SLC26A3: variants seen among roughly 807,000 people sequenced by gnomAD.
The protein encoded by SLC26A3 is chloride anion exchanger.
A neutral mutation model predicts 85.6 loss-of-function variants in SLC26A3; 64 were observed. The ratio of observed to expected loss-of-function variants is 0.75; its 90% CI spans 0.61 to 0.92. SLC26A3 has a LOEUF of 0.92. Among genes scored for constraint, SLC26A3 ranks in the 40% least tolerant of loss-of-function variants. SLC26A3 has a pLI of 0.00. For missense variants in SLC26A3, 922 were observed against 927.3 expected (o/e 0.99, Z 0.07); for synonymous variants, 349 against 336.0 (o/e 1.04, Z -0.42).
intron 16 of SLC26A3, among the ~76,000 whole-genome samples, chr7:107,774,466 GTC>G (rs1387285622): frequency 6.6e-6 from 1 of 152,072 alleles, no homozygotes; most frequent in Non-Finnish European, 1.5e-5. Context: ...AGGTGGGAGG[GTC>G]GCTTGAGTCT....
intron 18 of SLC26A3, among the ~76,000 whole-genome samples, chr7:107,770,808 C>G (rs1794016980): frequency 1.3e-5 from 2 of 152,150 alleles, no homozygotes; most frequent in Admixed American, 1.3e-4. Context: ...GGAACAATAC[C>G]TGCCCTGGAA....
Position 107,789,653 on chromosome 7 carries a change from C to A in SLC26A3, c.606G>T (p.Val202=), listed in dbSNP as rs2115867876. 1 of 1,613,988 alleles carries A rather than the reference C, an allele frequency of 6.2e-7. No individual in the cohort carries two copies. The highest frequency in any genetic ancestry group is 1.1e-5 in the South Asian group (1 of 91,010). The change falls in exon 6 of 21, where the codon GTG becomes GTT. Residue 202 remains valine, a synonymous_variant. Coordinates refer to ENST00000340010, the MANE Select transcript of SLC26A3 (RefSeq NM_000111.3). ...TGATGAGGGACTCAGACAGGTATATCACTACAAATCCAATCCGCAGAATCC... is the reference window on the plus strand; with the variant it reads ...TGATGAGGGACTCAGACAGGTATATAACTACAAATCCAATCCGCAGAATCC... ...AFGILRIGFV[V]IYLSESLISG...
chr7:107,766,387 C>T (rs1381520900), intron 20 of SLC26A3, among the ~76,000 whole-genome samples: 2 of 152,102 alleles, frequency 1.3e-5, no homozygotes, highest in African/African-American at 2.4e-5. Flanking sequence ...ATTCTGAATA[C>T]AATTACTGAG....
chr7:107,765,940 A>G (rs1364292954), intron 20 of SLC26A3, 62 bp from the exon 21 acceptor site: 7 of 1,410,974 alleles, frequency 5.0e-6, no homozygotes, highest in Non-Finnish European at 7.0e-6. Context: ...CAATAATCAC[A>G]TCTTAGGAGC....
At chr7:107,797,500 T>TAAACAAAAGA (rs1554382744) in intron 1 of SLC26A3, among the ~76,000 whole-genome samples, 1 of 150,652 alleles carries the variant, frequency 6.6e-6, no homozygotes, top group African/African-American at 2.5e-5. Context: ...TCTCAAAAAA[T>TAAACAAAAGA]AAAGAAAAGA....
chr7:107,773,955 A>G lies in SLC26A3; in HGVS notation c.1972T>C (p.Phe658Leu). Residue 658 changes from phenylalanine (F) to leucine (L), a missense_variant, in exon 17 of 21, where the codon TTT (phenylalanine) becomes CTT (leucine). Transcript: ENST00000340010. ...SLILDFSAVS[F>L]LDVSSVRGLK... ...CCCCTCACTGAAGAAACATCAAGAA[A>G]GGACACTGCTGAAAAGTCAAGAATG... 9 of 1,614,124 alleles carry G rather than the reference A, an allele frequency of 5.6e-6. No homozygotes were observed. Among genetic ancestry groups the G allele is most frequent in the Non-Finnish European group, 5.9e-6 (7 of 1,179,956 alleles).
At chr7:107,790,817 C>G (rs1794384305) in intron 5 of SLC26A3, among the ~76,000 whole-genome samples, 1 of 152,162 alleles carries the variant, frequency 6.6e-6, no homozygotes, top group South Asian at 2.1e-4. Context: ...TCTCCATTCC[C>G]CTTCTTCCTT....
intron 7 of SLC26A3, among the ~76,000 whole-genome samples, 184 bp from the exon 8 acceptor site, chr7:107,787,093 C>A (rs1421901178): frequency 6.6e-6 from 1 of 152,200 alleles, no homozygotes; most frequent in Non-Finnish European, 1.5e-5. Flanking sequence ...AGAACCACAG[C>A]TAAATTCAAA....
Position 107,793,728 on chromosome 7 carries a change from A to T in SLC26A3, c.271+14T>A, listed in dbSNP as rs764075335. 27 of 1,589,128 alleles carry T rather than the reference A, an allele frequency of 1.7e-5. No individual in the cohort carries two copies. The highest frequency in any genetic ancestry group is 2.0e-5 in the Non-Finnish European group (23 of 1,163,366). ...ATTTTATTGTATATAAATTATACTT[A>T]AAAAAAATTTTACCTTGTAGTACGG... On this transcript the variant is annotated intron_variant, in intron 3 of 20. Transcript: ENST00000340010.
intron 10 of SLC26A3, 33 bp from the exon 11 acceptor site, chr7:107,782,907 C>G: frequency 6.2e-7 from 1 of 1,613,586 alleles, no homozygotes; most frequent in Non-Finnish European, 8.5e-7. Context: ...ATCACCAACT[C>G]AACTTTTCCC....
At chr7:107,782,555 G>T (rs1372748218) in intron 11 of SLC26A3, among the ~76,000 whole-genome samples, 1 of 152,178 alleles carries the variant, frequency 6.6e-6, no homozygotes, top group Non-Finnish European at 1.5e-5. Flanking sequence ...TCTATTTGGG[G>T]CTATGCACAT....
intron 15 of SLC26A3, 81 bp from the exon 16 acceptor site, chr7:107,774,953 G>T: frequency 9.6e-7 from 1 of 1,037,838 alleles, no homozygotes. Flanking sequence ...TTTAACTGGA[G>T]TGATTTGAGG....
intron 8 of SLC26A3, among the ~76,000 whole-genome samples, chr7:107,784,820 G>A (rs957587501): frequency 6.6e-6 from 1 of 152,200 alleles, no homozygotes; most frequent in South Asian, 2.1e-4. Context: ...GTGCCTGTTA[G>A]CTATTATTAT....
In SLC26A3 at chr7:107,791,935, C is replaced by T. The variant is rs767469189; in HGVS notation, c.277G>A (p.Ala93Thr). The T allele has an allele frequency of 1.2e-5, 19 of 1,597,088 alleles. No individual in the cohort carries two copies. Among genetic ancestry groups the T allele is most frequent in the Non-Finnish European group, 1.5e-5 (18 of 1,164,748 alleles). The change falls in exon 4 of 21, where the codon GCA becomes ACA. Residue 93 changes from alanine (A) to threonine (T), a missense_variant. Transcript: ENST00000340010. ...TGIVAVLQGL[A>T]FALLVDIPPV... Reference sequence around the variant, plus strand: ...GGAATGTCGACCAGCAGAGCAAATGCTAAACCTGTAAACACACAAGCAGCA... The same window carrying T: ...GGAATGTCGACCAGCAGAGCAAATGTTAAACCTGTAAACACACAAGCAGCA...
intron 8 of SLC26A3, 151 bp downstream of exon 8, chr7:107,786,676 C>T: frequency 1.3e-6 from 1 of 762,126 alleles, no homozygotes; most frequent in Non-Finnish European, 2.4e-6. Context: ...AGAAGGAAAG[C>T]AGTGAGCCTT....
intron 5 of SLC26A3, 126 bp from the exon 6 acceptor site, chr7:107,789,814 G>T: frequency 1.0e-6 from 1 of 999,946 alleles, no homozygotes; most frequent in Non-Finnish European, 1.5e-6. Flanking sequence ...ATGCCTTGAA[G>T]AAGCAAATGT....
intron 18 of SLC26A3, among the ~76,000 whole-genome samples, 196 bp downstream of exon 18, chr7:107,771,858 T>C (rs1475475023): frequency 6.6e-6 from 1 of 152,238 alleles, no homozygotes; most frequent in Non-Finnish European, 1.5e-5. Context: ...AATTGTAGAA[T>C]GTATTTAATT....
chr7:107,783,676 T>C (rs1794246578), intron 8 of SLC26A3, among the ~76,000 whole-genome samples: 2 of 152,256 alleles, frequency 1.3e-5, no homozygotes, highest in Non-Finnish European at 2.9e-5. Flanking sequence ...TCCACTTGTA[T>C]TGTTACACTG....
chr7:107,793,836 G>A lies in SLC26A3; in HGVS notation c.177C>T (p.Pro59=), dbSNP rs1794447346. The A allele has an allele frequency of 6.2e-7, 1 of 1,613,900 alleles. No individual in the cohort carries two copies. The highest frequency in any genetic ancestry group is 1.3e-5 in the African/African-American group (1 of 74,894). The change falls in exon 3 of 21, where the codon CCC becomes CCT. Residue 59 remains proline (P), a synonymous_variant. Transcript: ENST00000340010. Reference sequence around the variant, plus strand: ...GGTATGCTGGCAACCAAGATGCTATGGGGAACAAAGAGAGGACAATTCTCT... The same window carrying A: ...GGTATGCTGGCAACCAAGATGCTATAGGGAACAAAGAGAGGACAATTCTCT... ...KAKRIVLSLF[P]IASWLPAYRL... is the part of the protein sequence containing the mutation.
Sources: gnomAD v4.1 joint callset for allele counts (sites outside exome capture counted in the v4.1 genomes callset) on GRCh38, gnomAD v4.1.1 for gene constraint, MANE v1.5 for transcripts, NCBI Gene and HGNC (gene_info 2026-07-23, HGNC 2026-07-21) for gene names.